Variants in RRM2 observed in about 807,000 individuals in gnomAD.
RRM2 encodes ribonucleotide reductase regulatory subunit M2, also known as ribonucleoside-diphosphate reductase subunit M2.
A neutral mutation model predicts 45.9 loss-of-function variants in RRM2; 6 were observed. The ratio of observed to expected loss-of-function variants is 0.13; its 90% confidence interval spans 0.07 to 0.26. RRM2 has a LOEUF of 0.26. RRM2 is among the 10% of genes least tolerant of loss of function. The pLI is 1.00. For synonymous variants in RRM2, 177 were observed against 173.0 expected, an observed-to-expected ratio of 1.02 and a Z score of -0.18; for missense variants, 343 against 489.5, an observed-to-expected ratio of 0.70 and a Z score of 2.82.
At chr2:10,142,636 G>T (rs571835571) in intron 3 of RRM2, among the ~76,000 whole-genome samples, 1 of 19,078 alleles carries the variant, frequency 5.2e-5, no homozygotes, top group Non-Finnish European at 9.7e-5. Flanking sequence ...CAGTATAGCC[G>T]TATCCCTGCA....
intron 3 of RRM2, among the ~76,000 whole-genome samples, chr2:10,146,627 C>T (rs1031326463): frequency 2.8e-5 from 4 of 144,714 alleles, no homozygotes; most frequent in African/African-American, 1.0e-4. Context: ...TCGCTCTGCC[C>T]CTGCTGCAGG....
At chr2:10,190,068 A>G (rs1276294485) in intron 3 of RRM2, among the ~76,000 whole-genome samples, 21 of 105,198 alleles carry the variant, frequency 2.0e-4, no homozygotes, top group Middle Eastern at 6.8e-3. Context: ...GGTGGTGGTG[A>G]TGGTTATGAT....
Position 10,141,861 on chromosome 2 carries a change from G to A in RRM2, n.268G>A, listed in dbSNP as rs772978765. 1.1e-5 allele frequency: 17 copies of A among 1,559,488 alleles called. 1 individual carries two copies. The highest frequency in any genetic ancestry group is 2.4e-5 in the South Asian group (2 of 84,582). ...CTGTATGCACTGCTGCAGGTGCTGG[G>A]AGACCGTGAAGTGCAAAGCAGATGG... On this transcript the variant is annotated non_coding_transcript_exon_variant, in exon 2 of 4. Coordinates refer to the RRM2 transcript ENST00000381786.
chr2:10,182,054 C>T (rs181304566), intron 3 of RRM2, among the ~76,000 whole-genome samples: 1 of 152,230 alleles, frequency 6.6e-6, no homozygotes, highest in Admixed American at 6.5e-5. Flanking sequence ...GTGTGAGCCA[C>T]TGTGCCTGGC....
chr2:10,160,546 A>G (rs1663533645), intron 3 of RRM2, among the ~76,000 whole-genome samples: 3 of 152,298 alleles, frequency 2.0e-5, no homozygotes, highest in Admixed American at 1.3e-4. Flanking sequence ...TCCTCCCTAG[A>G]GGCTGCTTGG....
At chr2:10,199,805 A>ACAAAAT in intron 3 of RRM2, among the ~76,000 whole-genome samples, 1 of 143,996 alleles carries the variant, frequency 6.9e-6, no homozygotes, top group African/African-American at 2.7e-5. Context: ...AAAAAAAAAA[A>ACAAAAT]AAAACAAATC....
upstream of RRM2, among the ~76,000 whole-genome samples, chr2:10,139,411 G>A (rs1388321720): frequency 6.6e-6 from 1 of 152,216 alleles, no homozygotes; most frequent in East Asian, 1.9e-4. Flanking sequence ...TTACATTTCA[G>A]AAGGATCTTT....
At chr2:10,135,199 T>TGAATCAATA (rs148139323), downstream of RRM2, among the ~76,000 whole-genome samples, 3,759 of 152,150 alleles carry the variant, frequency 0.025, 167 homozygotes, top group African/African-American at 0.086. Flanking sequence ...TGGTCCACAG[T>TGAATCAATA]GAATCAATAG....
downstream of RRM2, among the ~76,000 whole-genome samples, chr2:10,132,598 G>T (rs1662922130): frequency 6.6e-6 from 1 of 152,216 alleles, no homozygotes. Flanking sequence ...AGGTATTTAA[G>T]TGACTGGTAC....
chr2:10,131,910 G>A (rs1572492087), downstream of RRM2, among the ~76,000 whole-genome samples: 1 of 152,140 alleles, frequency 6.6e-6, no homozygotes, highest in East Asian at 1.9e-4. Flanking sequence ...GTGAAGCCGG[G>A]GCTGAGTTAA....
chr2:10,190,361 GTGA>G (rs1226694227), intron 3 of RRM2, among the ~76,000 whole-genome samples: 2 of 136,332 alleles, frequency 1.5e-5, no homozygotes, highest in Non-Finnish European at 3.1e-5. Context: ...GGTGTTGGTG[GTGA>G]TGAGTGTGAT....
intron 3 of RRM2, among the ~76,000 whole-genome samples, chr2:10,188,052 C>A (rs1022923631): frequency 6.6e-6 from 1 of 152,190 alleles, no homozygotes. Context: ...CGATGCCCCT[C>A]GAGTTTGAGA....
chr2:10,166,073 TCCTTCTGCCCCGA>T (rs1250460198), intron 3 of RRM2, among the ~76,000 whole-genome samples: 4 of 152,208 alleles, frequency 2.6e-5, no homozygotes, highest in Non-Finnish European at 5.9e-5. Flanking sequence ...CTCTGGACGG[TCCTTCTGCCCCGA>T]GGTTTGGCTT....
At chr2:10,165,616 A>G (rs141168662) in intron 3 of RRM2, among the ~76,000 whole-genome samples, 2 of 152,338 alleles carry the variant, frequency 1.3e-5, no homozygotes, top group African/African-American at 4.8e-5. Context: ...AAGCTCTGGA[A>G]GTGTAATGTG....
At chr2:10,210,743 G>A (rs1044900054) in exon 4 of RRM2, 2 of 570,770 alleles carry the variant, frequency 3.5e-6, no homozygotes, top group African/African-American at 3.9e-5. Flanking sequence ...CTGAATGCCT[G>A]TGTCCCCTGG....
chr2:10,143,160 A>T, intron 3 of RRM2, among the ~76,000 whole-genome samples: 1 of 152,206 alleles, frequency 6.6e-6, no homozygotes, highest in Non-Finnish European at 1.5e-5. Flanking sequence ...GGCGTGAGCC[A>T]CCATGCCTGG....
intron 3 of RRM2, among the ~76,000 whole-genome samples, chr2:10,163,585 G>A (rs376938385): frequency 6.6e-6 from 1 of 151,398 alleles, no homozygotes; most frequent in East Asian, 2.0e-4. Context: ...AGCAGATGGA[G>A]CCCACTCATC....
chr2:10,194,629 TC>T (rs1246649780), intron 3 of RRM2, among the ~76,000 whole-genome samples: 1 of 152,242 alleles, frequency 6.6e-6, no homozygotes, highest in African/African-American at 2.4e-5. Flanking sequence ...CGGCCTGGTG[TC>T]CCGTGCCCAG....
intron 3 of RRM2, among the ~76,000 whole-genome samples, chr2:10,208,523 C>T (rs1026481354): frequency 6.6e-6 from 1 of 152,066 alleles, no homozygotes; most frequent in East Asian, 1.9e-4. Flanking sequence ...AGGATCTCAC[C>T]GAATCTCTTG....
Sources: allele counts gnomAD v4.1 joint callset (sites outside exome capture counted in the v4.1 genomes callset), GRCh38; gene constraint gnomAD v4.1.1; transcripts MANE v1.5; gene names NCBI Gene and HGNC (gene_info 2026-07-23, HGNC 2026-07-21).